Variants in SNX29 observed in about 807,000 individuals in gnomAD.
The protein encoded by SNX29 is sorting nexin-29.
In SNX29, 78 loss-of-function variants were observed where a neutral mutation model predicts 102.1. That is an observed-to-expected ratio of 0.76 (90% CI 0.64 to 0.92). SNX29 has a LOEUF of 0.92. Among genes scored for constraint, SNX29 ranks in the 40% least tolerant of loss-of-function variants. The pLI, the probability that SNX29 is intolerant of heterozygous loss-of-function variation, is 0.00. For synonymous variants in SNX29, 580 were observed against 414.5 expected (o/e 1.40, Z -4.85); for missense variants, 1,280 against 1,061.7 (o/e 1.21, Z -2.86).
In SNX29 at chr16:11,976,832, G is replaced by C. The variant is rs2150952547; in HGVS notation, c.7+19G>C. Reference sequence around the variant, plus strand: ...ATGAGCGGTGAGTGGCGGCCCCGCCGCTGTCACCTGCCCCGGCCGCCCCGG... The same window carrying C: ...ATGAGCGGTGAGTGGCGGCCCCGCCCCTGTCACCTGCCCCGGCCGCCCCGG... On this transcript the variant is annotated intron_variant, in intron 1 of 20. Transcript: ENST00000566228. 7.3e-7 allele frequency: 1 copy of C among 1,370,242 alleles called. No individual in the cohort carries two copies. Among genetic ancestry groups the C allele is most frequent in the Non-Finnish European group, 9.4e-7 (1 of 1,061,196 alleles). 84.9% of individuals were successfully genotyped at this position (1,370,242 alleles called of 1,614,324 possible). A position where few individuals can be genotyped will look rare whatever the true frequency, so the allele number is the denominator to read the frequency against.
intron 15 of SNX29, among the ~76,000 whole-genome samples, chr16:12,307,421 A>C (rs767014305): frequency 6.6e-6 from 1 of 152,176 alleles, no homozygotes; most frequent in African/African-American, 2.4e-5. Flanking sequence ...GATGTCACTA[A>C]CATCATGAGG....
chr16:12,523,211 G>T (rs562530616), intron 19 of SNX29, among the ~76,000 whole-genome samples: 2 of 152,200 alleles, frequency 1.3e-5, no homozygotes, highest in African/African-American at 4.8e-5. Context: ...GGCCAGCTCT[G>T]TGCCTGCACA....
At chr16:12,450,580 A>G (rs2151712028) in intron 18 of SNX29, among the ~76,000 whole-genome samples, 1 of 152,318 alleles carries the variant, frequency 6.6e-6, no homozygotes, top group South Asian at 2.1e-4. Context: ...TCTGTCCAGC[A>G]CACACGGTGT....
At chr16:12,332,138 A>T (rs1220332056) in intron 15 of SNX29, among the ~76,000 whole-genome samples, 1 of 152,150 alleles carries the variant, frequency 6.6e-6, no homozygotes, top group African/African-American at 2.4e-5. Context: ...TGTTATTAAC[A>T]TTATTACTAT....
intron 15 of SNX29, among the ~76,000 whole-genome samples, chr16:12,323,047 TGCG>T (rs1478750310): frequency 1.2e-4 from 12 of 100,056 alleles, no homozygotes; most frequent in African/African-American, 4.5e-4. Flanking sequence ...ACTGTCAGGA[TGCG>T]GTCACTGGAG....
intron 3 of SNX29, among the ~76,000 whole-genome samples, chr16:12,024,346 A>G (rs1348635163): frequency 6.6e-6 from 1 of 151,994 alleles, no homozygotes; most frequent in African/African-American, 2.4e-5. Flanking sequence ...GGGTTTCACC[A>G]TGTTGGCCAG....
intron 14 of SNX29, among the ~76,000 whole-genome samples, chr16:12,246,298 G>T (rs1433064182): frequency 1.3e-5 from 2 of 152,042 alleles, no homozygotes; most frequent in East Asian, 1.9e-4. Flanking sequence ...GTTGGGACTA[G>T]TCTCTGGATT....
chr16:12,505,629 G>A (rs1249706668), intron 19 of SNX29, among the ~76,000 whole-genome samples: 1 of 152,078 alleles, frequency 6.6e-6, no homozygotes, highest in Non-Finnish European at 1.5e-5. Context: ...CTTGATTACT[G>A]TGGCTTTGTA....
In SNX29 at chr16:12,208,419, G is replaced by A. The variant is rs375997054; in HGVS notation, c.1678+8736G>A. On this transcript the variant is annotated intron_variant, in intron 14 of 20. Transcript: ENST00000566228. ...CTTTGGGGTTTGTAAGCTCTCAGAA[G>A]GAATGCCTGATAGGTTGTGAGGATC... 7.2e-5 allele frequency among the ~76,000 whole-genome samples: 10 copies of A among 138,612 alleles called. 1 individual carries two copies. Among genetic ancestry groups the A allele is most frequent in the Admixed American group, 6.4e-4 (9 of 13,960 alleles). 90.9% of individuals were successfully genotyped at this position (138,612 alleles called of 152,430 possible). A position where few individuals can be genotyped will look rare whatever the true frequency, so the allele number is the denominator to read the frequency against.
chr16:12,021,908 A>G (rs1435434870), intron 3 of SNX29, among the ~76,000 whole-genome samples: 1 of 151,670 alleles, frequency 6.6e-6, no homozygotes, highest in Non-Finnish European at 1.5e-5. Flanking sequence ...AAAAAAAGAT[A>G]GGACAAAGCT....
rs1166994447 is a variant in SNX29 at position 12,570,774 on chromosome 16, A to AT, written c.*2146dup. 1 of 121,002 alleles carries AT rather than the reference A, an allele frequency of 8.3e-6. No individual in the cohort carries two copies. The highest frequency in any genetic ancestry group is 1.4e-5 in the Non-Finnish European group (1 of 69,706). The allele number at this position is 121,002 out of a possible 1,614,324, so 7.5% of individuals were successfully genotyped here. On this transcript the variant is annotated 3_prime_UTR_variant, in exon 21 of 21. Transcript: ENST00000566228. ...CACCTTGGACATTCTGCACATGATA[A>AT]TAATGCAACAGTCCCCCATTGCTGA...
intron 18 of SNX29, among the ~76,000 whole-genome samples, chr16:12,454,385 A>G (rs371583744): frequency 9.8e-5 from 15 of 152,332 alleles, no homozygotes; most frequent in African/African-American, 3.1e-4. Context: ...ATTAGACCCC[A>G]GCTATTTTGG....
intron 13 of SNX29, among the ~76,000 whole-genome samples, chr16:12,133,841 C>A (rs973792299): frequency 6.6e-6 from 1 of 152,164 alleles, no homozygotes; most frequent in Admixed American, 6.5e-5. Flanking sequence ...GTGAGATATT[C>A]GAATGCTAAG....
intron 20 of SNX29, among the ~76,000 whole-genome samples, chr16:12,549,089 TAC>T (rs757333677): frequency 1.3e-5 from 2 of 152,220 alleles, no homozygotes; most frequent in Non-Finnish European, 2.9e-5. Context: ...GGCTCCCTGT[TAC>T]AGTGTCATTT....
chr16:12,080,802 C>T (rs559521066), intron 11 of SNX29, among the ~76,000 whole-genome samples: 143 of 151,980 alleles, frequency 9.4e-4, no homozygotes, highest in Non-Finnish European at 7.1e-4. Flanking sequence ...AGCGATTCTC[C>T]TGCGTCAGCC....
intron 13 of SNX29, among the ~76,000 whole-genome samples, chr16:12,169,300 C>T (rs576587241): frequency 3.3e-5 from 5 of 152,292 alleles, no homozygotes; most frequent in Admixed American, 1.3e-4. Flanking sequence ...GCGCAAGTGA[C>T]GCCGCCTGGT....
intron 14 of SNX29, among the ~76,000 whole-genome samples, chr16:12,233,158 C>T (rs2077821670): frequency 6.6e-6 from 1 of 152,160 alleles, no homozygotes; most frequent in Admixed American, 6.5e-5. Flanking sequence ...CTCCTTCCTC[C>T]CTCCTCCCTG....
At chr16:12,106,873 T>C (rs1052807866) in intron 11 of SNX29, among the ~76,000 whole-genome samples, 1 of 152,040 alleles carries the variant, frequency 6.6e-6, no homozygotes, top group Non-Finnish European at 1.5e-5. Flanking sequence ...TGCAGTGCAG[T>C]GGCACGATTA....
intron 19 of SNX29, among the ~76,000 whole-genome samples, chr16:12,496,529 T>TTTTTCC (rs1384093862): frequency 7.2e-6 from 1 of 139,772 alleles, no homozygotes; most frequent in African/African-American, 2.6e-5. Flanking sequence ...TTTTTTTTTT[T>TTTTTCC]AAACCTAGTC....
Sources: allele counts gnomAD v4.1 joint callset (sites outside exome capture counted in the v4.1 genomes callset), GRCh38; gene constraint gnomAD v4.1.1; transcripts MANE v1.5; gene names NCBI Gene and HGNC (gene_info 2026-07-23, HGNC 2026-07-21).